AGBL1: variants seen among roughly 807,000 people sequenced by gnomAD.
AGBL1 encodes the protein cytosolic carboxypeptidase 4.
A neutral mutation model predicts 118.9 loss-of-function variants in AGBL1; 130 were observed. The ratio of observed to expected loss-of-function variants is 1.09; its 90% CI spans 0.95 to 1.26. AGBL1 has a LOEUF of 1.26. Ranked by LOEUF, AGBL1 falls within the 50% of genes most tolerant of loss-of-function variation. AGBL1 has a pLI of 0.00. For synonymous variants in AGBL1, 555 were observed against 478.9 expected (o/e 1.16, Z -2.08); for missense variants, 1,584 against 1,298.1 (o/e 1.22, Z -3.38).
At chr15:86,298,895 C>A (rs1231267442) in intron 17 of AGBL1, among the ~76,000 whole-genome samples, 1 of 152,152 alleles carries the variant, frequency 6.6e-6, no homozygotes, top group Non-Finnish European at 1.5e-5. Context: ...AAGTCCTGGA[C>A]CTGAAGATTA....
intron 16 of AGBL1, among the ~76,000 whole-genome samples, chr15:86,286,158 T>C (rs2079442965): frequency 6.6e-6 from 1 of 151,930 alleles, no homozygotes; most frequent in African/African-American, 2.4e-5. Context: ...TTTTAATTTA[T>C]TTATAAAAGT....
intron 21 of AGBL1, among the ~76,000 whole-genome samples, chr15:86,660,479 G>A (rs1054622373): frequency 3.9e-5 from 6 of 152,032 alleles, no homozygotes; most frequent in Non-Finnish European, 7.4e-5. Context: ...GGTAGGGGAC[G>A]TTTGCTCAAA....
At chr15:86,608,520 A>T (rs904188176) in intron 21 of AGBL1, among the ~76,000 whole-genome samples, 1 of 152,216 alleles carries the variant, frequency 6.6e-6, no homozygotes, top group Non-Finnish European at 1.5e-5. Context: ...ACTGAAAAGT[A>T]AAATGCTTGG....
At chr15:86,506,768 A>G (rs2082982344) in intron 18 of AGBL1, among the ~76,000 whole-genome samples, 1 of 152,088 alleles carries the variant, frequency 6.6e-6, no homozygotes, top group Non-Finnish European at 1.5e-5. Context: ...TAGCATCTTG[A>G]GTCTTGTACT....
intron 17 of AGBL1, among the ~76,000 whole-genome samples, chr15:86,369,097 G>A (rs1480851820): frequency 3.3e-5 from 5 of 151,982 alleles, no homozygotes; most frequent in Admixed American, 6.6e-5. Context: ...CCCTCAATAA[G>A]GGAACAATTA....
Position 86,329,461 on chromosome 15 carries a change from A to T in AGBL1, c.2374+34053A>T, listed in dbSNP as rs558508807. 4.0e-5 allele frequency among the ~76,000 whole-genome samples: 6 copies of T among 151,862 alleles called. No individual in the cohort carries two copies. In the South Asian group the frequency reaches 1.2e-3, roughly 32 times the overall value. Reference sequence around the variant, plus strand: ...CCCTCTCTGTTCCACATGTAGACAAATCTCCAGGTATTTGGAGCACCCGCT... The same window carrying T: ...CCCTCTCTGTTCCACATGTAGACAATTCTCCAGGTATTTGGAGCACCCGCT... On this transcript the variant is annotated intron_variant, in intron 17 of 22. Transcript: ENST00000614907.
At chr15:86,922,683 G>A (rs1269667987) in intron 23 of AGBL1, among the ~76,000 whole-genome samples, 1 of 152,110 alleles carries the variant, frequency 6.6e-6, no homozygotes. Context: ...ACCACTAAAT[G>A]ACACAGAATA....
chr15:86,882,227 A>G (rs942825078), intron 22 of AGBL1, among the ~76,000 whole-genome samples: 1 of 152,136 alleles, frequency 6.6e-6, no homozygotes, highest in Non-Finnish European at 1.5e-5. Context: ...TTGTTTCCTA[A>G]TCACTTCCTC....
chr15:86,835,865 C>T (rs993627794), intron 22 of AGBL1, among the ~76,000 whole-genome samples: 1 of 152,080 alleles, frequency 6.6e-6, no homozygotes, highest in Non-Finnish European at 1.5e-5. Context: ...TGTGTATGAT[C>T]CATGTATGTA....
At chr15:86,421,952 A>G (rs927929294) in intron 18 of AGBL1, among the ~76,000 whole-genome samples, 1 of 152,236 alleles carries the variant, frequency 6.6e-6, no homozygotes, top group African/African-American at 2.4e-5. Flanking sequence ...TTCATAAAGC[A>G]TGTTCTTAGA....
intron 22 of AGBL1, among the ~76,000 whole-genome samples, chr15:86,722,083 A>G (rs2086731071): frequency 6.6e-6 from 1 of 152,128 alleles, no homozygotes; most frequent in African/African-American, 2.4e-5. Context: ...CATACTGCCC[A>G]AGGTAATTTA....
intron 18 of AGBL1, among the ~76,000 whole-genome samples, chr15:86,430,473 T>C (rs1350086769): frequency 7.1e-6 from 1 of 141,412 alleles, no homozygotes; most frequent in Non-Finnish European, 1.5e-5. Context: ...CCAGCCTGGG[T>C]GAAAAAGCGC....
chr15:86,777,544 C>A (rs2141300425), intron 22 of AGBL1, among the ~76,000 whole-genome samples: 1 of 152,040 alleles, frequency 6.6e-6, no homozygotes, highest in East Asian at 1.9e-4. Flanking sequence ...TAACTATAAC[C>A]ACATTCAATT....
chr15:86,589,592 A>G (rs1875497065), intron 21 of AGBL1, among the ~76,000 whole-genome samples: 1 of 152,190 alleles, frequency 6.6e-6, no homozygotes, highest in African/African-American at 2.4e-5. Context: ...AATTACTTCA[A>G]ATTCCTCAGA....
chr15:86,872,461 TA>T (rs1335257001), intron 22 of AGBL1, among the ~76,000 whole-genome samples: 1 of 152,094 alleles, frequency 6.6e-6, no homozygotes, highest in Non-Finnish European at 1.5e-5. Flanking sequence ...AATCTAAAAA[TA>T]TAGACAAGAG....
intron 22 of AGBL1, among the ~76,000 whole-genome samples, chr15:86,701,991 T>C (rs2086369014): frequency 7.0e-6 from 1 of 143,570 alleles, no homozygotes; most frequent in Non-Finnish European, 1.5e-5. Context: ...TTCTCTCCCC[T>C]TCCCTTGTGG....
intron 22 of AGBL1, among the ~76,000 whole-genome samples, chr15:86,722,851 A>G (rs533528602): frequency 0.015 from 2,251 of 152,274 alleles, 69 homozygotes; most frequent in African/African-American, 0.052. Flanking sequence ...AAGGATATGA[A>G]CAGACACTTC....
intron 17 of AGBL1, among the ~76,000 whole-genome samples, chr15:86,302,622 C>CA (rs377026945): frequency 5.9e-4 from 90 of 151,500 alleles, no homozygotes; most frequent in African/African-American, 2.0e-3. Flanking sequence ...ACTAAAAATA[C>CA]AAAAAAATGA....
intron 5 of AGBL1, among the ~76,000 whole-genome samples, chr15:86,179,757 G>A (rs1488609290): frequency 6.6e-6 from 1 of 152,132 alleles, no homozygotes; most frequent in East Asian, 1.9e-4. Context: ...TAAAGAAGAT[G>A]TAAAACTATT....
Sources: allele counts gnomAD v4.1 joint callset (sites outside exome capture counted in the v4.1 genomes callset), GRCh38; gene constraint gnomAD v4.1.1; transcripts MANE v1.5; gene names NCBI Gene and HGNC (gene_info 2026-07-23, HGNC 2026-07-21).